The following APBB1 variants were observed in gnomAD, a reference collection of about 807,000 sequenced individuals.
APBB1 encodes the protein adaptor protein FE65a2.
In APBB1, 22 loss-of-function variants were observed where a neutral mutation model predicts 78.4. The ratio of observed to expected loss-of-function variants is 0.28; its 90% CI spans 0.20 to 0.40. The LOEUF is 0.40. Ranked by LOEUF, APBB1 falls within the 10% of genes least tolerant of loss-of-function variation. The probability of loss-of-function intolerance (pLI) is 1.00; values close to 1 mark genes in which losing one functional copy is unlikely to be tolerated. For synonymous variants in APBB1, 369 were observed against 372.7 expected, an observed-to-expected ratio of 0.99 and a Z score of 0.12; for missense variants, 749 against 932.4, an observed-to-expected ratio of 0.80 and a Z score of 2.56.
At chr11:6,405,304 C>T in intron 2 of APBB1, 2 of 988,960 alleles carry the variant, frequency 2.0e-6, no homozygotes, top group Non-Finnish European at 2.4e-6. Context: ...CAGTTTGAAC[C>T]CAAGGGTGGG....
At chr11:6,418,952 C>T (rs1849189586) in intron 1 of APBB1, 33 bp downstream of exon 1, 1 of 388,844 alleles carries the variant, frequency 2.6e-6, no homozygotes, top group South Asian at 1.3e-4. Context: ...GACGCAGCCA[C>T]CGGGGCTGGG....
Position 6,401,796 on chromosome 11 carries a change from GC to G in APBB1, c.1389-109del. ...CCATCACAGCTCCTCCAGGGCTTCT[GC>G]CCACAGCTGGTCCCCCATAGGTGCT... On this transcript the variant is annotated intron_variant, in intron 9 of 14. Coordinates refer to ENST00000609360, the MANE Select transcript of APBB1 (RefSeq NM_001164.5). The surrounding 1 kb of genome is among the most constrained non-coding windows in gnomAD (Gnocchi z 4.5). The G allele has an allele frequency of 6.9e-7, 1 of 1,458,924 alleles. No individual in the cohort carries two copies. The highest frequency in any genetic ancestry group is 9.5e-7 in the Non-Finnish European group (1 of 1,049,834). 90.4% of individuals were successfully genotyped at this position (1,458,924 alleles called of 1,614,324 possible).
intron 12 of APBB1, among the ~76,000 whole-genome samples, chr11:6,398,203 C>T (rs1038212677): frequency 1.3e-5 from 2 of 152,168 alleles, no homozygotes; most frequent in African/African-American, 2.4e-5. Flanking sequence ...TCCCCCTAAT[C>T]CTGCTGTGCT....
chr11:6,405,270 C>A, intron 2 of APBB1: 1 of 1,000,752 alleles, frequency 1.0e-6, no homozygotes. Context: ...TCAGGGATCC[C>A]GCCCCTGTCC....
chr11:6,414,797 C>T (rs1011638171), intron 1 of APBB1, among the ~76,000 whole-genome samples: 21 of 152,154 alleles, frequency 1.4e-4, no homozygotes, highest in African/African-American at 4.8e-4. Flanking sequence ...GAAGACTCCA[C>T]GACTCTGCCA....
chr11:6,403,506 C>G lies in APBB1; in HGVS notation c.936G>C (p.Glu312Asp). 1.2e-6 allele frequency: 2 copies of G among 1,614,212 alleles called. No homozygotes were observed. Among genetic ancestry groups the G allele is most frequent in the Non-Finnish European group, 8.5e-7 (1 of 1,180,028 alleles). The change falls in exon 4 of 15, where the codon GAG (glutamate) becomes GAC (aspartate). Residue 312 changes from glutamate (E) to aspartate (D), a missense_variant. Glu to Asp is a conservative substitution (Grantham distance 45). Coordinates refer to ENST00000609360, the MANE Select transcript of APBB1 (RefSeq NM_001164.5). This position sits in a 1 kb window ranked among gnomAD's most constrained non-coding sequence, Gnocchi z 5.3. Reference protein sequence around the residue: ...WTGFAHGEGFEDGEFWKDEPS... With the variant: ...WTGFAHGEGFDDGEFWKDEPS... ...TACCCACCTTCCAAAATTCTCCATCCTCAAAGCCTTCTCCATGAGCAAAAC... is the reference window on the plus strand; with the variant it reads ...TACCCACCTTCCAAAATTCTCCATCGTCAAAGCCTTCTCCATGAGCAAAAC...
Position 6,402,743 on chromosome 11 carries a change from G to C in APBB1, c.1105-18C>G, listed in dbSNP as rs202061326. The C allele has an allele frequency of 3.7e-6, 6 of 1,613,872 alleles. No homozygotes were observed. Among genetic ancestry groups the C allele is most frequent in the Non-Finnish European group, 3.4e-6 (4 of 1,179,868 alleles). On this transcript the variant is annotated intron_variant, in intron 6 of 14. Coordinates refer to ENST00000609360, the MANE Select transcript of APBB1 (RefSeq NM_001164.5). ...GCGAAACACTGCCAGACACAGAAGA[G>C]GGGCAGGAGGTAGAGGATCTGAGTC...
intron 1 of APBB1, among the ~76,000 whole-genome samples, chr11:6,414,595 G>T (rs1222986816): frequency 6.6e-6 from 1 of 152,232 alleles, no homozygotes; most frequent in African/African-American, 2.4e-5. Context: ...ATGGGCTGGG[G>T]AGGAGCAAAG....
intron 7 of APBB1, 167 bp from the exon 8 acceptor site, chr11:6,402,376 A>T: frequency 8.8e-7 from 1 of 1,135,766 alleles, no homozygotes; most frequent in Non-Finnish European, 1.2e-6. Flanking sequence ...GTCATCTCTC[A>T]CATTGACTCC....
chr11:6,417,690 G>A (rs1167827465), intron 1 of APBB1, among the ~76,000 whole-genome samples: 2 of 152,244 alleles, frequency 1.3e-5, no homozygotes, highest in Non-Finnish European at 2.9e-5. Context: ...TGGCAGTGAG[G>A]AAAGAGCGAA....
Position 6,410,964 on chromosome 11 carries a change from G to A in APBB1, c.384C>T (p.Ala128=), listed in dbSNP as rs761958467. ...GGCCAGGTCCTCGTAGGCCTCGGTT[G>A]GCTGCGTTGTGAGCTGAGAGCTCCA... ...SELELSAHNA[A]NRGLRGPGLI... is the part of the protein sequence containing the mutation. Residue 128 remains alanine, a synonymous_variant, in exon 2 of 15, where the codon GCC becomes GCT. Transcript: ENST00000609360. 3 of 1,614,188 alleles carry A rather than the reference G, an allele frequency of 1.9e-6. No homozygotes were observed. Among genetic ancestry groups the A allele is most frequent in the Non-Finnish European group, 2.5e-6 (3 of 1,180,038 alleles).
chr11:6,404,418 C>G (rs1449842053), intron 2 of APBB1, among the ~76,000 whole-genome samples: 4 of 152,186 alleles, frequency 2.6e-5, no homozygotes, highest in African/African-American at 9.7e-5. Context: ...CCCTGCCACA[C>G]AGGTGTGCAG....
In APBB1 at chr11:6,395,742, C is replaced by A. The variant is rs141450543; in HGVS notation, c.1966-41G>T. ...GGGCAGTCACTCCCCAGCCTACCTCCCATGGGGCCACGCCACCACCACACC... is the reference window on the plus strand; with the variant it reads ...GGGCAGTCACTCCCCAGCCTACCTCACATGGGGCCACGCCACCACCACACC... On this transcript the variant is annotated intron_variant, in intron 14 of 14. Coordinates refer to ENST00000609360, the MANE Select transcript of APBB1 (RefSeq NM_001164.5). This position sits in a 1 kb window ranked among gnomAD's most constrained non-coding sequence, Gnocchi z 5.2. 5.5e-4 allele frequency: 886 copies of A among 1,604,652 alleles called. 3 individuals are homozygous for A. In the African/African-American group the frequency reaches 8.8e-3, roughly 16 times the overall value.
At position 6,403,104 on chromosome 11, in the gene APBB1, G is replaced by C; in HGVS notation, c.1104+41C>G. ...ACATTAGGGGCTGTCTGACAAATAA[G>C]AGGGCCCCAGACTCAGAATGGGTGT... On this transcript the variant is annotated intron_variant, in intron 6 of 14. Coordinates refer to ENST00000609360, the MANE Select transcript of APBB1 (RefSeq NM_001164.5). The surrounding 1 kb of genome is among the most constrained non-coding windows in gnomAD (Gnocchi z 5.3). 6.4e-7 allele frequency: 1 copy of C among 1,559,594 alleles called. No individual in the cohort carries two copies. The highest frequency in any genetic ancestry group is 8.7e-7 in the Non-Finnish European group (1 of 1,151,006).
intron 2 of APBB1, chr11:6,404,488 A>G (rs571906045): frequency 8.0e-7 from 1 of 1,248,334 alleles, no homozygotes; most frequent in African/African-American, 1.5e-5. Context: ...GCGGACCCAC[A>G]CTCAGACACA....
rs1848508308 is a variant in APBB1, at chr11:6,401,521, C to T, written c.1503+53G>A. Reference sequence around the variant, plus strand: ...CTACAGCACTCAGTGACCCCACCCACACCCTTGTAGAGCAAAGGTGGCAAC... The same window carrying T: ...CTACAGCACTCAGTGACCCCACCCATACCCTTGTAGAGCAAAGGTGGCAAC... On this transcript the variant is annotated intron_variant, in intron 10 of 14. Coordinates refer to ENST00000609360, the MANE Select transcript of APBB1 (RefSeq NM_001164.5). This position sits in a 1 kb window ranked among gnomAD's most constrained non-coding sequence, Gnocchi z 4.5. 1.2e-6 allele frequency: 2 copies of T among 1,613,728 alleles called. No individual in the cohort carries two copies. The highest frequency in any genetic ancestry group is 2.7e-5 in the African/African-American group (2 of 74,936).
Position 6,402,168 on chromosome 11 carries a change from C to G in APBB1, c.1296G>C (p.Lys432Asn), listed in dbSNP as rs1351341057. 6.2e-7 allele frequency: 1 copy of G among 1,614,092 alleles called. No homozygotes were observed. The highest frequency in any genetic ancestry group is 1.7e-5 in the Admixed American group (1 of 60,024). The stretch of plus-strand genomic sequence containing the variant: ...GTGCCTGGCTCTGTGGCTCCACTAG[C>G]TTTAGTGTCTCATCCTCCAGCTGCA... Reference protein sequence around the residue: ...LLLQLEDETLKLVEPQSQALL... With the variant: ...LLLQLEDETLNLVEPQSQALL... The change falls in exon 8 of 15, where the codon AAG (lysine) becomes AAC (asparagine). Residue 432 changes from lysine to asparagine, a missense_variant. Physicochemically the swap from Lys to Asn is moderately conservative, Grantham distance 94. This residue lies in a region of APBB1 where 635 missense variants were observed against 765.0 expected (regional missense o/e 0.83). Transcript: ENST00000609360.
chr11:6,401,101 G>A lies in APBB1; in HGVS notation c.1589-29C>T, dbSNP rs771737627. 6.2e-7 allele frequency: 1 copy of A among 1,613,978 alleles called. No individual in the cohort carries two copies. The highest frequency in any genetic ancestry group is 1.7e-5 in the Admixed American group (1 of 60,000). The stretch of plus-strand genomic sequence containing the variant: ...TGGGAAAGAAGAGAAGGTTGATCAT[G>A]GTGGCAGACCTTGCTCACCCGCAGC... On this transcript the variant is annotated intron_variant, in intron 11 of 14. Transcript: ENST00000609360. This position sits in a 1 kb window ranked among gnomAD's most constrained non-coding sequence, Gnocchi z 4.5.
Position 6,395,745 on chromosome 11 carries a change from T to C in APBB1, c.1965+41A>G, listed in dbSNP as rs199936735. The C allele has an allele frequency of 3.1e-5, 49 of 1,604,682 alleles. No homozygotes were observed. The highest frequency in any genetic ancestry group is 1.0e-4 in the South Asian group (9 of 90,224). ...CAGTCACTCCCCAGCCTACCTCCCA[T>C]GGGGCCACGCCACCACCACACCACC... On this transcript the variant is annotated intron_variant, in intron 14 of 14. Transcript: ENST00000609360. This position sits in a 1 kb window ranked among gnomAD's most constrained non-coding sequence, Gnocchi z 5.2.
Sources: allele counts gnomAD v4.1 joint callset (sites outside exome capture counted in the v4.1 genomes callset), GRCh38; gene constraint gnomAD v4.1.1; regional missense constraint gnomAD v4.1.1; non-coding constraint Gnocchi (gnomAD v3.1); transcripts MANE v1.5; gene names NCBI Gene and HGNC (gene_info 2026-07-23, HGNC 2026-07-21).